The following KIAA0586 variants were observed in gnomAD, a reference collection of about 807,000 sequenced individuals.
KIAA0586 encodes the protein KIAA0586.
In KIAA0586, 144 loss-of-function variants were observed where a neutral mutation model predicts 169.8. That is an observed-to-expected ratio of 0.85 (90% confidence interval 0.74 to 0.97). The LOEUF (loss-of-function observed/expected upper bound fraction) is 0.97, where lower values mean the gene tolerates loss of function less well. KIAA0586 is among the 50% of genes least tolerant of loss of function. The probability of loss-of-function intolerance (pLI) is 0.00; values close to 1 mark genes in which losing one functional copy is unlikely to be tolerated. For missense variants in KIAA0586, 1,854 were observed against 1,823.0 expected (o/e 1.02, Z -0.31); for synonymous variants, 625 against 612.4 (o/e 1.02, Z -0.30).
At chr14:58,468,589 A>T (rs1271245371) in intron 16 of KIAA0586, among the ~76,000 whole-genome samples, 1 of 152,254 alleles carries the variant, frequency 6.6e-6, no homozygotes, top group Non-Finnish European at 1.5e-5. Context: ...ACAAGACTTC[A>T]ACAGGCTCAT....
intron 29 of KIAA0586, among the ~76,000 whole-genome samples, chr14:58,524,100 T>C (rs1167177301): frequency 6.6e-6 from 1 of 152,210 alleles, no homozygotes; most frequent in African/African-American, 2.4e-5. Flanking sequence ...ATTATTTCAG[T>C]TCAGAATACA....
At chr14:58,512,198 T>G (rs2044436917) in intron 28 of KIAA0586, among the ~76,000 whole-genome samples, 1 of 152,194 alleles carries the variant, frequency 6.6e-6, no homozygotes. Context: ...CCTGTCTAAA[T>G]CCATTATATG....
chr14:58,430,735 AT>A lies in KIAA0586; in HGVS notation c.340+25del. On this transcript the variant is annotated intron_variant, in intron 3 of 30. Transcript: ENST00000652326. ...GCAAAAAGGTAAAAGAATAATATTG[AT>A]TTTTTTAAATTGTGACAACATATAC... 4 of 1,426,792 alleles carry A rather than the reference AT, an allele frequency of 2.8e-6. No homozygotes were observed. The highest frequency in any genetic ancestry group is 1.2e-5 in the South Asian group (1 of 83,760). 88.4% of individuals were successfully genotyped at this position (1,426,792 alleles called of 1,614,324 possible). A position where few individuals can be genotyped will look rare whatever the true frequency, so the allele number is the denominator to read the frequency against.
chr14:58,493,506 A>G (rs569971248), intron 26 of KIAA0586, among the ~76,000 whole-genome samples: 2 of 152,238 alleles, frequency 1.3e-5, no homozygotes, highest in Admixed American at 1.3e-4. Context: ...ACAAATGTCA[A>G]CTGGCTTTAG....
chr14:58,492,293 T>G lies in KIAA0586; in HGVS notation c.3990+18T>G. 2 of 1,533,814 alleles carry G rather than the reference T, an allele frequency of 1.3e-6. No individual in the cohort carries two copies. The highest frequency in any genetic ancestry group is 1.4e-5 in the African/African-American group (1 of 71,998). ...ATTCAGAGGTACTTTTTAACTTTAA[T>G]GACTTTTTTTTGGTTAGATCTAAAT... On this transcript the variant is annotated intron_variant, in intron 26 of 30. Transcript: ENST00000652326.
chr14:58,461,134 G>A lies in KIAA0586; in HGVS notation c.2033G>A (p.Arg678Lys), dbSNP rs1040832003. 4 of 1,590,790 alleles carry A rather than the reference G, an allele frequency of 2.5e-6. No homozygotes were observed. In the African/African-American group the frequency reaches 5.5e-5, roughly 22 times the overall value. Residue 678 changes from arginine to lysine, a missense_variant, in exon 14 of 31, where the codon AGA becomes AAA. Arg to Lys is a conservative substitution (Grantham distance 26, BLOSUM62 2). Coordinates refer to ENST00000652326, the MANE Select transcript of KIAA0586 (RefSeq NM_001329943.3). ...CCATCTCCTAAGTCCAGACCACAGAGACCAAAAGTAATAGAACGAGTTAAA... is the reference window on the plus strand; with the variant it reads ...CCATCTCCTAAGTCCAGACCACAGAAACCAAAAGTAATAGAACGAGTTAAA... ...NSPSPKSRPQ[R>K]PKVIERVKGT... is the part of the protein sequence containing the mutation.
At chr14:58,488,247 TAA>T (rs1200783174) in intron 23 of KIAA0586, 138 bp downstream of exon 23, 2 of 746,482 alleles carry the variant, frequency 2.7e-6, no homozygotes, top group African/African-American at 1.8e-5. Flanking sequence ...AGAACTTTCA[TAA>T]GTGTTGAGTT....
chr14:58,509,486 C>A lies in KIAA0586; in HGVS notation c.4323+777C>A, dbSNP rs141033269. On this transcript the variant is annotated intron_variant, in intron 28 of 30. Transcript: ENST00000652326. ...GTTAATTACTCACCAAGATGTTAAT[C>A]TAAAAAAGTTCAATATTAAGTAGTT... Among the ~76,000 whole-genome samples, 439 of 152,190 alleles carry A rather than the reference C, an allele frequency of 2.9e-3. 3 individuals carry two copies. Among genetic ancestry groups the A allele is most frequent in the African/African-American group, 9.3e-3 (385 of 41,532 alleles).
chr14:58,535,810 G>A (rs1451632403), intron 29 of KIAA0586, among the ~76,000 whole-genome samples: 3 of 148,600 alleles, frequency 2.0e-5, no homozygotes, highest in Admixed American at 6.8e-5. Flanking sequence ...TCTGTACATC[G>A]TCCCTTTAAA....
At chr14:58,428,871 T>G (rs1377836958) in intron 1 of KIAA0586, among the ~76,000 whole-genome samples, 1 of 152,166 alleles carries the variant, frequency 6.6e-6, no homozygotes, top group African/African-American at 2.4e-5. Context: ...GCTTCTATAT[T>G]CCAATTCACT....
intron 16 of KIAA0586, among the ~76,000 whole-genome samples, chr14:58,469,502 C>T (rs894909828): frequency 1.3e-5 from 2 of 152,110 alleles, no homozygotes; most frequent in African/African-American, 4.8e-5. Flanking sequence ...CTGGACAGCT[C>T]CCTGAGCCAA....
chr14:58,431,271 T>A (rs921223480), intron 3 of KIAA0586, among the ~76,000 whole-genome samples: 5 of 150,854 alleles, frequency 3.3e-5, no homozygotes, highest in Admixed American at 3.3e-4. Flanking sequence ...TGTTTATAAA[T>A]TTTTTTTTTG....
chr14:58,430,880 C>G (rs560661011), intron 3 of KIAA0586, among the ~76,000 whole-genome samples, 163 bp downstream of exon 3: 47 of 152,258 alleles, frequency 3.1e-4, no homozygotes, highest in Admixed American at 1.8e-3. Flanking sequence ...CCAACTCTAC[C>G]CATTAAACAC....
chr14:58,476,463 T>TA (rs2041633712), intron 19 of KIAA0586, among the ~76,000 whole-genome samples: 1 of 152,122 alleles, frequency 6.6e-6, no homozygotes, highest in South Asian at 2.1e-4. Flanking sequence ...TCTGATCTGA[T>TA]ATGGTTTTTA....
At chr14:58,512,765 A>G (rs1566925468) in intron 29 of KIAA0586, 138 bp downstream of exon 29, 4 of 542,888 alleles carry the variant, frequency 7.4e-6, no homozygotes, top group Non-Finnish European at 1.3e-5. Context: ...CATTTAGTCC[A>G]TTTACATGAA....
rs201889432 is a variant in KIAA0586 at position 58,488,808 on chromosome 14, A to G, written c.3715A>G (p.Thr1239Ala). 13 of 1,613,794 alleles carry G rather than the reference A, an allele frequency of 8.1e-6. No homozygotes were observed. The highest frequency in any genetic ancestry group is 1.1e-5 in the Non-Finnish European group (13 of 1,179,840). Residue 1239 changes from threonine to alanine, a missense_variant, in exon 24 of 31, where the codon ACT (threonine) becomes GCT (alanine). Coordinates refer to ENST00000652326, the MANE Select transcript of KIAA0586 (RefSeq NM_001329943.3). Reference protein sequence around the residue: ...TLSVTVTETETLDKPISEGEI... With the variant: ...TLSVTVTETEALDKPISEGEI... Reference sequence around the variant, plus strand: ...GAGTGTTACTGTCACTGAAACTGAAACTTTAGATAAACCCATCTCTGAAGG... The same window carrying G: ...GAGTGTTACTGTCACTGAAACTGAAGCTTTAGATAAACCCATCTCTGAAGG...
downstream of KIAA0586, among the ~76,000 whole-genome samples, chr14:58,552,041 T>G (rs2047215186): frequency 6.6e-6 from 1 of 152,164 alleles, no homozygotes; most frequent in Non-Finnish European, 1.5e-5. Context: ...CCTCAGGATT[T>G]GTCATTCCTG....
chr14:58,439,476 C>T (rs1373000708), intron 4 of KIAA0586, among the ~76,000 whole-genome samples: 1 of 151,924 alleles, frequency 6.6e-6, no homozygotes, highest in African/African-American at 2.4e-5. Flanking sequence ...CGTGAGCCAC[C>T]GCGCCTGGCC....
At position 58,531,149 on chromosome 14, in the gene KIAA0586, C is replaced by G. The variant is rs2045936977; in HGVS notation, c.4430-8922C>G. On this transcript the variant is annotated intron_variant, in intron 29 of 30. Coordinates refer to ENST00000652326, the MANE Select transcript of KIAA0586 (RefSeq NM_001329943.3). ...TGGCTAACACAGTGAAACCCCGTCT[C>G]TACTAAAATGTACAAAAAAAAAAAA... 2.7e-5 allele frequency among the ~76,000 whole-genome samples: 4 copies of G among 147,814 alleles called. 1 individual carries two copies.
Sources: gnomAD v4.1 joint callset for allele counts (sites outside exome capture counted in the v4.1 genomes callset) on GRCh38, gnomAD v4.1.1 for gene constraint, MANE v1.5 for transcripts, NCBI Gene and HGNC (gene_info 2026-07-23, HGNC 2026-07-21) for gene names.